The following POLR3B variants were observed in gnomAD, a reference collection of about 807,000 sequenced individuals.
POLR3B encodes the protein DNA-directed RNA polymerase III subunit RPC2.
In POLR3B, 96 loss-of-function variants were observed where a neutral mutation model predicts 147.4. That is an observed-to-expected ratio of 0.65 (90% CI 0.55 to 0.77). POLR3B has a LOEUF of 0.77. Among genes scored for constraint, POLR3B ranks in the 30% least tolerant of loss-of-function variants. POLR3B has a pLI of 0.00. For missense variants in POLR3B, 1,036 were observed against 1,413.5 expected, an observed-to-expected ratio of 0.73 and a Z score of 4.28; for synonymous variants, 461 against 485.9, an observed-to-expected ratio of 0.95 and a Z score of 0.67.
chr12:106,506,272 T>C (rs1159107156), intron 27 of POLR3B, among the ~76,000 whole-genome samples: 2 of 152,178 alleles, frequency 1.3e-5, no homozygotes, highest in Non-Finnish European at 2.9e-5. Context: ...ATCTTCAAAT[T>C]TGACACAAGG....
intron 2 of POLR3B, among the ~76,000 whole-genome samples, chr12:106,365,064 G>A (rs2036515599): frequency 1.3e-5 from 2 of 152,154 alleles, no homozygotes; most frequent in Non-Finnish European, 2.9e-5. Context: ...GAACCTGGGA[G>A]GCAGAGGTTG....
chr12:106,433,659 A>G (rs1342635439), intron 15 of POLR3B, 60 bp from the exon 16 acceptor site: 5 of 1,400,174 alleles, frequency 3.6e-6, no homozygotes, highest in Non-Finnish European at 5.0e-6. Flanking sequence ...GGTTGGATAT[A>G]TTAAATCAGG....
At chr12:106,406,243 A>G (rs893935885) in intron 11 of POLR3B, among the ~76,000 whole-genome samples, 8 of 152,182 alleles carry the variant, frequency 5.3e-5, no homozygotes, top group Non-Finnish European at 8.8e-5. Flanking sequence ...TCATACATAC[A>G]TTAGTACTGC....
At chr12:106,381,051 A>G (rs565609216) in intron 9 of POLR3B, among the ~76,000 whole-genome samples, 4 of 152,370 alleles carry the variant, frequency 2.6e-5, no homozygotes, top group Non-Finnish European at 5.9e-5. Context: ...TTATTGCTAA[A>G]AAATTCTAAC....
chr12:106,506,408 C>A (rs2038688870), intron 27 of POLR3B, among the ~76,000 whole-genome samples: 1 of 152,128 alleles, frequency 6.6e-6, no homozygotes. Context: ...TCCCTCTCCC[C>A]ACCCCCGGAG....
intron 12 of POLR3B, among the ~76,000 whole-genome samples, chr12:106,426,137 C>T (rs1415845090): frequency 6.6e-6 from 1 of 151,848 alleles, no homozygotes; most frequent in Non-Finnish European, 1.5e-5. Context: ...GCACTGTCAT[C>T]TCCTGGGAGC....
chr12:106,419,794 CTTTTTTT>C (rs56756383), intron 12 of POLR3B, among the ~76,000 whole-genome samples: 2,495 of 88,982 alleles, frequency 0.028, 101 homozygotes, highest in African/African-American at 0.093. Context: ...TTTAGTTTTG[CTTTTTTT>C]TTTTTTTTTT....
At chr12:106,426,195 G>A (rs1189648789) in intron 12 of POLR3B, among the ~76,000 whole-genome samples, 2 of 148,830 alleles carry the variant, frequency 1.3e-5, no homozygotes, top group African/African-American at 5.0e-5. Context: ...CTACTAAGCT[G>A]GAAATTGTAA....
chr12:106,416,245 C>T (rs1165751499), intron 12 of POLR3B, among the ~76,000 whole-genome samples: 13 of 152,202 alleles, frequency 8.5e-5, no homozygotes, highest in Admixed American at 7.2e-4. Flanking sequence ...TCTGTTGCTG[C>T]AGAAATTGAC....
At chr12:106,506,410 C>T (rs1224336922) in intron 27 of POLR3B, among the ~76,000 whole-genome samples, 1 of 152,130 alleles carries the variant, frequency 6.6e-6, no homozygotes, top group African/African-American at 2.4e-5. Context: ...CCTCTCCCCA[C>T]CCCCGGAGAA....
chr12:106,426,839 T>TTCCCCC (rs2037444378), intron 12 of POLR3B, among the ~76,000 whole-genome samples: 1 of 25,318 alleles, frequency 3.9e-5, no homozygotes, highest in African/African-American at 1.7e-4. Context: ...TTCTCCACCG[T>TTCCCCC]CCCCCCCCCC....
intron 13 of POLR3B, among the ~76,000 whole-genome samples, chr12:106,429,813 G>C (rs1291118415): frequency 6.6e-6 from 1 of 152,094 alleles, no homozygotes; most frequent in East Asian, 1.9e-4. Flanking sequence ...ACATTTTCCT[G>C]TTCTTAAGAC....
At chr12:106,444,073 G>A (rs562647976) in intron 18 of POLR3B, among the ~76,000 whole-genome samples, 5 of 152,180 alleles carry the variant, frequency 3.3e-5, no homozygotes, top group East Asian at 1.9e-4. Flanking sequence ...CACCTGCCTC[G>A]GCCTCTCAAA....
At chr12:106,417,526 C>T (rs557668781) in intron 12 of POLR3B, among the ~76,000 whole-genome samples, 12 of 152,164 alleles carry the variant, frequency 7.9e-5, no homozygotes, top group Non-Finnish European at 1.3e-4. Flanking sequence ...AAGAGTGGAC[C>T]GGCTAGAAGC....
chr12:106,479,738 T>G (rs1317275762), intron 23 of POLR3B, among the ~76,000 whole-genome samples: 2 of 151,764 alleles, frequency 1.3e-5, no homozygotes, highest in Non-Finnish European at 2.9e-5. Context: ...GAGTTTTAGT[T>G]TTTTGGTTTT....
intron 25 of POLR3B, among the ~76,000 whole-genome samples, chr12:106,500,716 G>C (rs1034722385): frequency 1.3e-5 from 2 of 152,150 alleles, no homozygotes; most frequent in Admixed American, 6.5e-5. Flanking sequence ...AGAGGAACAG[G>C]CTTGCTCCAT....
At chr12:106,442,274 C>T (rs932550926) in intron 18 of POLR3B, among the ~76,000 whole-genome samples, 2 of 151,574 alleles carry the variant, frequency 1.3e-5, no homozygotes, top group Middle Eastern at 6.8e-3. Flanking sequence ...TCAGATATTT[C>T]TTTTCATTTT....
intron 23 of POLR3B, among the ~76,000 whole-genome samples, chr12:106,480,382 A>G (rs1286257706): frequency 6.6e-6 from 1 of 152,158 alleles, no homozygotes; most frequent in East Asian, 1.9e-4. Flanking sequence ...TGTGCCATTC[A>G]GTTTCAACAT....
chr12:106,419,894 A>C (rs1593030987), intron 12 of POLR3B, among the ~76,000 whole-genome samples: 2 of 151,270 alleles, frequency 1.3e-5, no homozygotes. Flanking sequence ...TTAAAACAAC[A>C]ACCATTTTAT....
Sources: gnomAD v4.1 joint callset for allele counts (sites outside exome capture counted in the v4.1 genomes callset) on GRCh38, gnomAD v4.1.1 for gene constraint, MANE v1.5 for transcripts, NCBI Gene and HGNC (gene_info 2026-07-23, HGNC 2026-07-21) for gene names.